Variants in GALNT13 observed in about 807,000 individuals in gnomAD.
The protein encoded by GALNT13 is UDP-GalNAc:polypeptide N-acetylgalactosaminyltransferase 13.
GALNT13 carries 28 observed loss-of-function variants against 64.2 expected under a neutral mutation model. That is an observed-to-expected ratio of 0.44 (90% confidence interval 0.32 to 0.60). GALNT13 has a LOEUF of 0.60. GALNT13 is among the 20% of genes least tolerant of loss of function. GALNT13 has a pLI of 0.05. For missense variants in GALNT13, 577 were observed against 669.8 expected, an observed-to-expected ratio of 0.86 and a Z score of 1.53; for synonymous variants, 214 against 224.6, an observed-to-expected ratio of 0.95 and a Z score of 0.42.
At chr2:153,826,130 AGGTCAAG>A in the GALNT13 span, among the ~76,000 whole-genome samples, 44 of 152,194 alleles carry the variant, frequency 2.9e-4, no homozygotes, top group African/African-American at 9.4e-4. Flanking sequence ...GGGAGGACCC[AGGTCAAG>A]GGCTTGCATC....
At chr2:153,539,166 G>GT in the GALNT13 span, among the ~76,000 whole-genome samples, 1 of 151,190 alleles carries the variant, frequency 6.6e-6, no homozygotes, top group Admixed American at 6.6e-5. Flanking sequence ...TTTTCCATGT[G>GT]TTTTTTGGCT....
chr2:153,197,548 TGCCAG>T, the GALNT13 span, among the ~76,000 whole-genome samples: 1 of 152,244 alleles, frequency 6.6e-6, no homozygotes, highest in African/African-American at 2.4e-5. Flanking sequence ...TGGGGGCCAG[TGCCAG>T]GCCAGGCAGG....
At chr2:154,263,784 T>C (rs1690830275) in intron 8 of GALNT13, among the ~76,000 whole-genome samples, 1 of 152,212 alleles carries the variant, frequency 6.6e-6, no homozygotes, top group African/African-American at 2.4e-5. Context: ...TTTAAAAGTA[T>C]GTATCATCTA....
the GALNT13 span, among the ~76,000 whole-genome samples, chr2:153,541,609 T>C: frequency 6.6e-6 from 1 of 152,300 alleles, no homozygotes; most frequent in East Asian, 1.9e-4. Context: ...CATAAATAAA[T>C]TATCTGATCT....
chr2:153,354,046 A>G, the GALNT13 span, among the ~76,000 whole-genome samples: 4 of 152,154 alleles, frequency 2.6e-5, no homozygotes, highest in African/African-American at 9.7e-5. Context: ...CTGTTTTGGA[A>G]GGCTATTAGT....
chr2:153,196,001 G>T, the GALNT13 span, among the ~76,000 whole-genome samples: 37 of 152,092 alleles, frequency 2.4e-4, no homozygotes, highest in African/African-American at 8.4e-4. Flanking sequence ...TCTGCAGCTG[G>T]CTATCCTGTC....
At chr2:154,157,067 A>G (rs901701378) in intron 4 of GALNT13, among the ~76,000 whole-genome samples, 28 of 152,034 alleles carry the variant, frequency 1.8e-4, no homozygotes, top group African/African-American at 5.8e-4. Context: ...CCTGTTTTCC[A>G]CTTCGTAAAT....
intron 3 of GALNT13, among the ~76,000 whole-genome samples, chr2:154,033,080 A>G (rs1698443314): frequency 6.6e-6 from 1 of 151,904 alleles, no homozygotes; most frequent in Non-Finnish European, 1.5e-5. Context: ...AGAAAATTCA[A>G]TAGAGAAATG....
At chr2:153,377,184 G>T in the GALNT13 span, among the ~76,000 whole-genome samples, 1 of 152,130 alleles carries the variant, frequency 6.6e-6, no homozygotes, top group Non-Finnish European at 1.5e-5. Flanking sequence ...GGCAGCAAGA[G>T]GATGGTTATC....
chr2:154,380,889 G>T (rs542308596), intron 9 of GALNT13, among the ~76,000 whole-genome samples: 2 of 152,022 alleles, frequency 1.3e-5, no homozygotes, highest in Non-Finnish European at 2.9e-5. Context: ...AGATTGTCAG[G>T]CTGAAACCTT....
the GALNT13 span, among the ~76,000 whole-genome samples, chr2:153,182,745 G>A: frequency 1.2e-3 from 181 of 152,256 alleles, no homozygotes; most frequent in Non-Finnish European, 1.7e-3. Context: ...AGTTTGCTGA[G>A]GATCATGGCT....
the GALNT13 span, among the ~76,000 whole-genome samples, chr2:153,834,262 C>T: frequency 6.6e-6 from 1 of 152,082 alleles, no homozygotes; most frequent in Non-Finnish European, 1.5e-5. Context: ...GCAAGATATG[C>T]AAACTGGAAA....
intron 3 of GALNT13, among the ~76,000 whole-genome samples, chr2:154,007,040 G>T (rs76365850): frequency 6.6e-6 from 1 of 152,200 alleles, no homozygotes. Flanking sequence ...GCTGGATTTT[G>T]AGTTAATTAG....
At chr2:153,679,141 C>A in the GALNT13 span, among the ~76,000 whole-genome samples, 1 of 151,898 alleles carries the variant, frequency 6.6e-6, no homozygotes, top group Admixed American at 6.6e-5. Context: ...TTCCTTGCTT[C>A]CCACTACATA....
the GALNT13 span, among the ~76,000 whole-genome samples, chr2:153,378,273 T>C: frequency 1.7e-5 from 2 of 118,428 alleles, no homozygotes; most frequent in Non-Finnish European, 4.0e-5. Flanking sequence ...GATAGATAGA[T>C]AGATAGATAG....
chr2:154,301,319 A>G (rs949942388), intron 8 of GALNT13, 90 bp from the exon 9 acceptor site: 5 of 1,114,668 alleles, frequency 4.5e-6, no homozygotes, highest in South Asian at 3.2e-5. Flanking sequence ...TGCTTGAAAC[A>G]TGTAAAATAC....
chr2:153,411,624 C>T, the GALNT13 span, among the ~76,000 whole-genome samples: 8 of 152,096 alleles, frequency 5.3e-5, no homozygotes, highest in African/African-American at 1.9e-4. Flanking sequence ...ACTGGAGGGG[C>T]AAGCAGGTGC....
intron 4 of GALNT13, among the ~76,000 whole-genome samples, chr2:154,171,544 A>G (rs1685349137): frequency 6.6e-6 from 1 of 152,110 alleles, no homozygotes; most frequent in Non-Finnish European, 1.5e-5. Flanking sequence ...ACTTGCCTGG[A>G]TAATACAGTT....
chr2:153,419,597 TG>T, the GALNT13 span, among the ~76,000 whole-genome samples: 1 of 152,336 alleles, frequency 6.6e-6, no homozygotes, highest in South Asian at 2.1e-4. Flanking sequence ...GGAACTGTTT[TG>T]TATTGACTAT....
Sources: gnomAD v4.1 joint callset for allele counts (sites outside exome capture counted in the v4.1 genomes callset) on GRCh38, gnomAD v4.1.1 for gene constraint, MANE v1.5 for transcripts, NCBI Gene and HGNC (gene_info 2026-07-23, HGNC 2026-07-21) for gene names.